HERC3: variants seen among roughly 807,000 people sequenced by gnomAD.
HERC3 encodes HECT and RLD domain containing E3 ubiquitin protein ligase 3, also known as probable E3 ubiquitin-protein ligase HERC3.
Under a neutral mutation model 129.9 loss-of-function variants are expected in HERC3, and 58 were observed. That is an observed-to-expected ratio of 0.45 (90% confidence interval 0.36 to 0.56). The LOEUF (loss-of-function observed/expected upper bound fraction) is 0.56, where lower values mean the gene tolerates loss of function less well. HERC3 is among the 20% of genes least tolerant of loss of function. The pLI is 0.00. For synonymous variants in HERC3, 430 were observed against 451.0 expected (o/e 0.95, Z 0.59); for missense variants, 835 against 1,244.2 (o/e 0.67, Z 4.95).
chr4:88,670,636 C>T (rs1379719009), intron 16 of HERC3, among the ~76,000 whole-genome samples: 1 of 149,688 alleles, frequency 6.7e-6, no homozygotes, highest in Non-Finnish European at 1.5e-5. Flanking sequence ...TCCAATTGTA[C>T]ACCAGTGTGA....
chr4:88,643,538 C>T (rs1029051540), intron 3 of HERC3, among the ~76,000 whole-genome samples: 11 of 152,142 alleles, frequency 7.2e-5, no homozygotes, highest in South Asian at 4.2e-4. Context: ...GAGGTGTAGA[C>T]GCAGTCCAAT....
rs777251541 is a variant in HERC3, at chr4:88,649,838, A to G, written c.227-2A>G. The G allele has an allele frequency of 6.2e-7, 1 of 1,612,812 alleles. No individual in the cohort carries two copies. Among genetic ancestry groups the G allele is most frequent in the Non-Finnish European group, 8.5e-7 (1 of 1,179,068 alleles). On this transcript the variant is annotated splice_acceptor_variant, in intron 3 of 25. Transcript: ENST00000402738. LOFTEE classifies it high-confidence loss of function. ...TTTCCTCCTCCAATTTGTCTCTTTC[A>G]GAACAAATTGGAGCTCTGGCAGATC...
chr4:88,670,673 C>T (rs572668046), intron 16 of HERC3, among the ~76,000 whole-genome samples: 56 of 151,872 alleles, frequency 3.7e-4, no homozygotes, highest in Non-Finnish European at 5.4e-4. Flanking sequence ...TGAAAGTGTA[C>T]ACTTAAAAAT....
chr4:88,618,033 A>G (rs1334357627), intron 3 of HERC3, among the ~76,000 whole-genome samples: 1 of 152,228 alleles, frequency 6.6e-6, no homozygotes, highest in Non-Finnish European at 1.5e-5. Flanking sequence ...ATGTTGAGAA[A>G]AAGCTGGAGA....
chr4:88,598,455 T>G (rs910453519), intron 2 of HERC3, among the ~76,000 whole-genome samples: 8 of 152,204 alleles, frequency 5.3e-5, no homozygotes, highest in African/African-American at 1.4e-4. Flanking sequence ...TAGTGCAGAT[T>G]TGGCAGAATG....
chr4:88,566,186 C>T, the HERC3 span, among the ~76,000 whole-genome samples: 22 of 152,080 alleles, frequency 1.4e-4, no homozygotes, highest in African/African-American at 5.3e-4. Flanking sequence ...TCCATGTGTT[C>T]TCATCATTTA....
chr4:88,653,884 T>A (rs1009817621), intron 6 of HERC3, among the ~76,000 whole-genome samples, 158 bp from the exon 7 acceptor site: 1 of 151,566 alleles, frequency 6.6e-6, no homozygotes, highest in Non-Finnish European at 1.5e-5. Context: ...TTAGGTAAAT[T>A]AAAACTGAGA....
At chr4:88,575,857 C>A in the HERC3 span, among the ~76,000 whole-genome samples, 1 of 152,176 alleles carries the variant, frequency 6.6e-6, no homozygotes, top group Admixed American at 6.5e-5. Flanking sequence ...TCCATTAATT[C>A]AACAAATACT....
chr4:88,631,070 A>T (rs2915433), intron 3 of HERC3, among the ~76,000 whole-genome samples: 7,861 of 152,270 alleles, frequency 0.052, 543 homozygotes, highest in East Asian at 0.27. Context: ...TAAGAAGAAC[A>T]TATATTCAGA....
At chr4:88,622,905 G>C (rs1458376249) in intron 3 of HERC3, among the ~76,000 whole-genome samples, 1 of 152,162 alleles carries the variant, frequency 6.6e-6, no homozygotes, top group Non-Finnish European at 1.5e-5. Context: ...CTCCAGCCTT[G>C]TGACAGAGTG....
chr4:88,677,878 G>C (rs1415300171), intron 18 of HERC3, 86 bp from the exon 19 acceptor site: 1 of 1,188,000 alleles, frequency 8.4e-7, no homozygotes, highest in Non-Finnish European at 1.2e-6. Context: ...TGCAGTCAGC[G>C]CCCCCAAGTC....
chr4:88,631,142 G>A (rs541092031), intron 3 of HERC3, among the ~76,000 whole-genome samples: 1 of 152,294 alleles, frequency 6.6e-6, no homozygotes, highest in African/African-American at 2.4e-5. Flanking sequence ...CAAGGTTAAA[G>A]TCACCTGTCA....
chr4:88,647,686 T>A, intron 3 of HERC3, among the ~76,000 whole-genome samples: 1 of 152,156 alleles, frequency 6.6e-6, no homozygotes, highest in East Asian at 1.9e-4. Context: ...TATTTTCAGT[T>A]AAAAAAAGTG....
At chr4:88,682,695 G>A (rs528879395) in intron 21 of HERC3, among the ~76,000 whole-genome samples, 1 of 152,212 alleles carries the variant, frequency 6.6e-6, no homozygotes, top group South Asian at 2.1e-4. Context: ...GTGTATATGT[G>A]CCACACTTTC....
intron 11 of HERC3, among the ~76,000 whole-genome samples, chr4:88,663,596 G>A (rs1319346883): frequency 6.6e-6 from 1 of 152,122 alleles, no homozygotes; most frequent in Non-Finnish European, 1.5e-5. Flanking sequence ...TACACTGAAT[G>A]GAAAGGCCCA....
At position 88,667,924 on chromosome 4, in the gene HERC3, C is replaced by G. The variant is rs764409432; in HGVS notation, c.1476C>G (p.Pro492=). The G allele has an allele frequency of 1.2e-6, 2 of 1,613,064 alleles. No individual in the cohort carries two copies. Among genetic ancestry groups the G allele is most frequent in the South Asian group, 1.1e-5 (1 of 90,884 alleles). The change falls in exon 14 of 26, where the codon CCC becomes CCG. Residue 492 remains proline, a synonymous_variant. Coordinates refer to ENST00000402738, the MANE Select transcript of HERC3 (RefSeq NM_014606.3). ...ACAGTTTTGAAAGTTGTCTGATTCC[C>G]CAGTTGTCAAGCTCACCACCAGATG... The part of the protein sequence containing the change: ...ILNSFESCLI[P]QLSSSPPDVE...
chr4:88,642,741 C>T (rs943588177), intron 3 of HERC3, among the ~76,000 whole-genome samples: 5 of 152,286 alleles, frequency 3.3e-5, no homozygotes, highest in Middle Eastern at 6.8e-3. Context: ...TATCACTTCT[C>T]AAAAGGCTGC....
the HERC3 span, among the ~76,000 whole-genome samples, chr4:88,584,148 T>C: frequency 6.6e-6 from 1 of 152,314 alleles, no homozygotes; most frequent in East Asian, 1.9e-4. Context: ...TTCTGGAAGC[T>C]CTGAGGGAGA....
intron 23 of HERC3, chr4:88,692,927 C>A (rs923197430): frequency 1.0e-6 from 1 of 985,256 alleles, no homozygotes; most frequent in Admixed American, 6.2e-5. Flanking sequence ...GAAGACTTTG[C>A]TGTTTTTCGT....
Sources: gnomAD v4.1 joint callset for allele counts (sites outside exome capture counted in the v4.1 genomes callset) on GRCh38, gnomAD v4.1.1 for gene constraint, MANE v1.5 for transcripts, NCBI Gene and HGNC (gene_info 2026-07-23, HGNC 2026-07-21) for gene names.